The following UTRN variants were observed in gnomAD, a reference collection of about 807,000 sequenced individuals.
The protein encoded by UTRN is utrophin.
Under a neutral mutation model 463.9 loss-of-function variants are expected in UTRN, and 283 were observed. That is an observed-to-expected ratio of 0.61 (90% CI 0.55 to 0.67). UTRN has a LOEUF of 0.67. Among genes scored for constraint, UTRN ranks in the 30% least tolerant of loss-of-function variants. The probability of loss-of-function intolerance (pLI) is 0.00; values close to 1 mark genes in which losing one functional copy is unlikely to be tolerated. For synonymous variants in UTRN, 1,442 were observed against 1,431.5 expected (o/e 1.01, Z -0.17); for missense variants, 3,922 against 4,084.3 (o/e 0.96, Z 1.08).
intron 6 of UTRN, among the ~76,000 whole-genome samples, chr6:144,425,950 T>A (rs1474013429): frequency 6.6e-6 from 1 of 152,212 alleles, no homozygotes; most frequent in Non-Finnish European, 1.5e-5. Context: ...ATTGAAAAGG[T>A]CTTTGTAAAC....
intron 2 of UTRN, among the ~76,000 whole-genome samples, chr6:144,380,473 C>T (rs1201685837): frequency 6.6e-6 from 1 of 151,786 alleles, no homozygotes; most frequent in East Asian, 1.9e-4. Context: ...TGAAAATATC[C>T]CCTCCCAAAA....
At chr6:144,786,501 G>A (rs1776306717) in intron 61 of UTRN, among the ~76,000 whole-genome samples, 1 of 152,048 alleles carries the variant, frequency 6.6e-6, no homozygotes, top group Non-Finnish European at 1.5e-5. Flanking sequence ...GGCCAGGATG[G>A]TCTCAATTTC....
At chr6:144,441,844 C>A (rs1787199394) in intron 13 of UTRN, among the ~76,000 whole-genome samples, 1 of 152,208 alleles carries the variant, frequency 6.6e-6, no homozygotes, top group South Asian at 2.1e-4. Flanking sequence ...CTTCTGTGTA[C>A]CCGCAGGCTC....
intron 51 of UTRN, among the ~76,000 whole-genome samples, chr6:144,614,293 A>C (rs1190764371): frequency 2.0e-5 from 3 of 152,138 alleles, no homozygotes; most frequent in Non-Finnish European, 4.4e-5. Flanking sequence ...CATGGAGAAA[A>C]GATCCAGCTG....
At chr6:144,423,429 C>T in intron 4 of UTRN, 120 bp from the exon 5 acceptor site, 1 of 950,254 alleles carries the variant, frequency 1.1e-6, no homozygotes, top group Non-Finnish European at 1.6e-6. Flanking sequence ...TCAGCCAGAT[C>T]TCCTGCCTCT....
At chr6:144,436,765 T>TTA (rs998024108) in intron 10 of UTRN, among the ~76,000 whole-genome samples, 2 of 144,162 alleles carry the variant, frequency 1.4e-5, no homozygotes, top group Non-Finnish European at 3.0e-5. Flanking sequence ...ATATATATAT[T>TTA]TATATATATA....
intron 69 of UTRN, among the ~76,000 whole-genome samples, chr6:144,835,468 T>C (rs1425784298): frequency 6.6e-6 from 1 of 152,230 alleles, no homozygotes; most frequent in Non-Finnish European, 1.5e-5. Flanking sequence ...ATTGATTTTG[T>C]CTACAGTAGC....
chr6:144,479,767 C>G, intron 25 of UTRN, 45 bp from the exon 26 acceptor site: 1 of 1,569,372 alleles, frequency 6.4e-7, no homozygotes, highest in Non-Finnish European at 8.6e-7. Context: ...TGACATTGAA[C>G]ACATTAACAT....
intron 26 of UTRN, among the ~76,000 whole-genome samples, chr6:144,480,505 A>C (rs1399954506): frequency 6.6e-6 from 1 of 152,194 alleles, no homozygotes; most frequent in Non-Finnish European, 1.5e-5. Context: ...TACATACGGC[A>C]CATATGAACA....
chr6:144,609,791 A>G (rs1805276297), intron 51 of UTRN, among the ~76,000 whole-genome samples: 1 of 152,192 alleles, frequency 6.6e-6, no homozygotes, highest in Non-Finnish European at 1.5e-5. Flanking sequence ...TGGAAAATAA[A>G]CAAATATGTG....
intron 51 of UTRN, among the ~76,000 whole-genome samples, chr6:144,609,703 T>C (rs1250211952): frequency 6.6e-6 from 1 of 152,126 alleles, no homozygotes; most frequent in Non-Finnish European, 1.5e-5. Context: ...TTAGCAAATG[T>C]AAGAGTATTG....
intron 54 of UTRN, among the ~76,000 whole-genome samples, chr6:144,745,013 C>A (rs1050302066): frequency 6.6e-6 from 1 of 152,162 alleles, no homozygotes; most frequent in Non-Finnish European, 1.5e-5. Context: ...CATGCCAGAC[C>A]TTACGCTGAC....
At chr6:144,456,783 C>G (rs1788876637) in intron 19 of UTRN, among the ~76,000 whole-genome samples, 1 of 151,872 alleles carries the variant, frequency 6.6e-6, no homozygotes, top group Non-Finnish European at 1.5e-5. Flanking sequence ...AGCTCTTCAT[C>G]TAGTAAAATA....
At chr6:144,811,171 A>G (rs1444081698) in intron 65 of UTRN, among the ~76,000 whole-genome samples, 2 of 152,166 alleles carry the variant, frequency 1.3e-5, no homozygotes, top group East Asian at 3.8e-4. Context: ...AAAACACCCG[A>G]AAAGAACAAA....
chr6:144,494,915 CAG>C, intron 33 of UTRN, among the ~76,000 whole-genome samples: 1 of 151,894 alleles, frequency 6.6e-6, no homozygotes, highest in East Asian at 1.9e-4. Context: ...TAGCTAGATA[CAG>C]AGTGTGGATT....
chr6:144,353,558 A>C (rs755060905), intron 2 of UTRN, among the ~76,000 whole-genome samples: 1 of 151,884 alleles, frequency 6.6e-6, no homozygotes, highest in Non-Finnish European at 1.5e-5. Flanking sequence ...GTGCCTGGCT[A>C]TTTATGTTTC....
At position 144,440,341 on chromosome 6, in the gene UTRN, T is replaced by C; in HGVS notation, c.1393-11T>C. On this transcript the variant is annotated splice_polypyrimidine_tract_variant and intron_variant, in intron 12 of 74. Coordinates refer to ENST00000367545, the MANE Select transcript of UTRN (RefSeq NM_007124.3). ...GTAGAAATAATGGTTTATCTTAATTTTTTTCTCTAGAGTTTGCAAAGTGAT... is the reference window on the plus strand; with the variant it reads ...GTAGAAATAATGGTTTATCTTAATTCTTTTCTCTAGAGTTTGCAAAGTGAT... 6.2e-7 allele frequency: 1 copy of C among 1,614,036 alleles called. No individual in the cohort carries two copies. Among genetic ancestry groups the C allele is most frequent in the Non-Finnish European group, 8.5e-7 (1 of 1,179,930 alleles).
chr6:144,777,425 A>G (rs1283962470), intron 60 of UTRN, among the ~76,000 whole-genome samples: 1 of 152,228 alleles, frequency 6.6e-6, no homozygotes, highest in Non-Finnish European at 1.5e-5. Flanking sequence ...AACTAATGCT[A>G]TATACACTTT....
At chr6:144,461,468 T>A (rs906710975) in intron 22 of UTRN, 126 bp downstream of exon 22, 22 of 1,107,214 alleles carry the variant, frequency 2.0e-5, no homozygotes, top group Non-Finnish European at 2.6e-5. Flanking sequence ...GGTGCAAAAA[T>A]GTGTTTATGA....
Sources: allele counts gnomAD v4.1 joint callset (sites outside exome capture counted in the v4.1 genomes callset), GRCh38; gene constraint gnomAD v4.1.1; transcripts MANE v1.5; gene names NCBI Gene and HGNC (gene_info 2026-07-23, HGNC 2026-07-21).